The following TACR1 variants were observed in gnomAD, a reference collection of about 807,000 sequenced individuals.
TACR1 encodes the protein substance-P receptor.
Under a neutral mutation model 35.8 loss-of-function variants are expected in TACR1, and 25 were observed. The ratio of observed to expected loss-of-function variants is 0.70; its 90% CI spans 0.51 to 0.98. The LOEUF is 0.98. Ranked by LOEUF, TACR1 falls within the 50% of genes least tolerant of loss-of-function variation. TACR1 has a pLI of 0.00. For missense variants in TACR1, 478 were observed against 522.9 expected (o/e 0.91, Z 0.84); for synonymous variants, 195 against 206.7 (o/e 0.94, Z 0.48).
chr2:75,157,372 T>C (rs1433505747), intron 1 of TACR1, among the ~76,000 whole-genome samples: 2 of 152,192 alleles, frequency 1.3e-5, no homozygotes, highest in Non-Finnish European at 2.9e-5. Context: ...AGCTTCTCTT[T>C]CCTACTCTCC....
chr2:75,107,911 G>GA (rs1558555618), intron 2 of TACR1, among the ~76,000 whole-genome samples: 1 of 151,878 alleles, frequency 6.6e-6, no homozygotes, highest in Admixed American at 6.5e-5. Flanking sequence ...AAGTATTTTG[G>GA]AAAAAATAGA....
intron 1 of TACR1, 48 bp from the exon 2 acceptor site, chr2:75,120,816 T>C (rs756891264): frequency 7.0e-7 from 1 of 1,431,992 alleles, no homozygotes; most frequent in Non-Finnish European, 9.4e-7. Flanking sequence ...CACCAAAATC[T>C]GTATCAGAGA....
At chr2:75,054,397 C>T (rs1268227016) in intron 2 of TACR1, among the ~76,000 whole-genome samples, 1 of 152,224 alleles carries the variant, frequency 6.6e-6, no homozygotes, top group Non-Finnish European at 1.5e-5. Context: ...GTGAAAGCCA[C>T]ATAGCATAAG....
intron 2 of TACR1, among the ~76,000 whole-genome samples, chr2:75,086,724 A>C (rs887560338): frequency 3.9e-5 from 6 of 152,220 alleles, no homozygotes; most frequent in Admixed American, 1.3e-4. Flanking sequence ...AATTATTGCA[A>C]ATGGAATCCA....
intron 2 of TACR1, among the ~76,000 whole-genome samples, chr2:75,082,235 A>G (rs1572918294): frequency 6.6e-6 from 1 of 152,242 alleles, no homozygotes; most frequent in East Asian, 1.9e-4. Flanking sequence ...CCATGTCCCT[A>G]CAAAGGACAT....
chr2:75,123,183 C>T (rs1342091783), intron 1 of TACR1, among the ~76,000 whole-genome samples: 2 of 48,356 alleles, frequency 4.1e-5, no homozygotes, highest in African/African-American at 2.3e-4. Flanking sequence ...GATGCCTTAT[C>T]TCACCTCCAG....
intron 2 of TACR1, among the ~76,000 whole-genome samples, chr2:75,072,014 G>C (rs1672892205): frequency 6.6e-6 from 1 of 152,208 alleles, no homozygotes; most frequent in Non-Finnish European, 1.5e-5. Context: ...GCGTAGCATA[G>C]ATGTTTGTTT....
chr2:75,189,800 C>G (rs955059544), intron 1 of TACR1: 1 of 152,216 alleles, frequency 6.6e-6, no homozygotes, highest in African/African-American at 2.4e-5. Context: ...TTTAACAAAG[C>G]CAGATGTATC....
chr2:75,111,656 A>G (rs1430104719), intron 2 of TACR1, among the ~76,000 whole-genome samples: 3 of 152,032 alleles, frequency 2.0e-5, no homozygotes, highest in Non-Finnish European at 4.4e-5. Context: ...AATGCTTGCA[A>G]TACTGATGGG....
At chr2:75,077,861 A>T (rs935030874) in intron 2 of TACR1, among the ~76,000 whole-genome samples, 1 of 152,194 alleles carries the variant, frequency 6.6e-6, no homozygotes, top group Non-Finnish European at 1.5e-5. Context: ...TTTCTCCTCC[A>T]ATTTCCCAAT....
chr2:75,146,949 T>G (rs558222758), intron 1 of TACR1, among the ~76,000 whole-genome samples: 1 of 152,356 alleles, frequency 6.6e-6, no homozygotes, highest in South Asian at 2.1e-4. Context: ...CATTCCAGGA[T>G]GGGTTCTGTA....
intron 2 of TACR1, among the ~76,000 whole-genome samples, chr2:75,114,363 AT>A (rs1023305081): frequency 6.6e-6 from 1 of 152,104 alleles, no homozygotes; most frequent in Non-Finnish European, 1.5e-5. Flanking sequence ...TCTAAATCTC[AT>A]TTTTTTGGAT....
intron 2 of TACR1, among the ~76,000 whole-genome samples, chr2:75,056,841 C>T (rs1672578050): frequency 6.6e-6 from 1 of 152,122 alleles, no homozygotes; most frequent in Non-Finnish European, 1.5e-5. Context: ...CAGTCAGGAG[C>T]ATTGGTTTTT....
At chr2:75,182,834 G>T (rs1451639300) in intron 1 of TACR1, among the ~76,000 whole-genome samples, 1 of 152,112 alleles carries the variant, frequency 6.6e-6, no homozygotes, top group African/African-American at 2.4e-5. Context: ...ACCCAATGAC[G>T]CATTTCTCAG....
chr2:75,083,838 G>A (rs1207352822), intron 2 of TACR1, among the ~76,000 whole-genome samples: 3 of 152,076 alleles, frequency 2.0e-5, no homozygotes, highest in African/African-American at 7.3e-5. Flanking sequence ...TGAGACCATG[G>A]GGTTTTCTAG....
At chr2:75,090,403 G>A (rs556508172) in intron 2 of TACR1, among the ~76,000 whole-genome samples, 2 of 152,160 alleles carry the variant, frequency 1.3e-5, no homozygotes, top group East Asian at 1.9e-4. Context: ...ACATCAACAC[G>A]GACTTTAAAC....
At chr2:75,071,984 G>T (rs1373934239) in intron 2 of TACR1, among the ~76,000 whole-genome samples, 1 of 152,122 alleles carries the variant, frequency 6.6e-6, no homozygotes, top group East Asian at 1.9e-4. Flanking sequence ...CGTACGTCAT[G>T]AAAAAAATAA....
intron 1 of TACR1, among the ~76,000 whole-genome samples, chr2:75,162,128 C>T (rs1040935211): frequency 1.9e-4 from 29 of 150,284 alleles, no homozygotes; most frequent in Non-Finnish European, 2.8e-4. Flanking sequence ...CACTCAGGAG[C>T]GTATTGAAAA....
At position 75,172,757 on chromosome 2, in the gene TACR1, T is replaced by G. The variant is rs531814159; in HGVS notation, c.389+25789A>C. Among the ~76,000 whole-genome samples, 42 of 152,232 alleles carry G rather than the reference T, an allele frequency of 2.8e-4. No individual in the cohort carries two copies. In the South Asian group the frequency reaches 4.0e-3, roughly 14 times the overall value. On this transcript the variant is annotated intron_variant, in intron 1 of 4. Transcript: ENST00000305249. ...TTGCATTCGTTTGAAAAATAGAAAT[T>G]TATTTATAGTTTTGGAGGCTAGAAG...
Sources: allele counts gnomAD v4.1 joint callset (sites outside exome capture counted in the v4.1 genomes callset), GRCh38; gene constraint gnomAD v4.1.1; transcripts MANE v1.5; gene names NCBI Gene and HGNC (gene_info 2026-07-23, HGNC 2026-07-21).